CLASP1: variants seen among roughly 807,000 people sequenced by gnomAD.
CLASP1 encodes cytoplasmic linker associated protein 1, also known as CLIP-associating protein 1.
Under a neutral mutation model 192.3 loss-of-function variants are expected in CLASP1, and 38 were observed. That is an observed-to-expected ratio of 0.20 (90% CI 0.15 to 0.26). CLASP1 has a LOEUF of 0.26. Ranked by LOEUF, CLASP1 falls within the 10% of genes least tolerant of loss-of-function variation. The probability of loss-of-function intolerance (pLI) is 1.00; values close to 1 mark genes in which losing one functional copy is unlikely to be tolerated. For synonymous variants in CLASP1, 691 were observed against 712.8 expected (o/e 0.97, Z 0.49); for missense variants, 1,433 against 1,932.5 (o/e 0.74, Z 4.85).
chr2:121,447,399 G>A, exon 19 of CLASP1: 2 of 1,579,428 alleles, frequency 1.3e-6, no homozygotes, highest in Non-Finnish European at 1.7e-6. Context: ...CGTGCCCGAA[G>A]ATGAGGAGAC....
intron 2 of CLASP1, among the ~76,000 whole-genome samples, chr2:121,572,477 A>C (rs2060069833): frequency 6.6e-6 from 1 of 152,156 alleles, no homozygotes; most frequent in African/African-American, 2.4e-5. Context: ...CCATTTTCAA[A>C]TAGGCACACA....
rs192244294 is a variant in CLASP1 at position 121,445,633 on chromosome 2, G to A, written c.1912+1704C>T. ...CAATTTTTTGGTGTTTTTGTTTGGG[G>A]ACAAAATAAGGGAAGTTGAGGTAGA... On this transcript the variant is annotated intron_variant, in intron 19 of 39. Coordinates refer to ENST00000263710, the Ensembl canonical transcript of CLASP1. 2.4e-3 allele frequency: 951 copies of A among 402,482 alleles called. 2 individuals carry two copies. Among genetic ancestry groups the A allele is most frequent in the Non-Finnish European group, 3.6e-3 (760 of 211,856 alleles). 24.9% of individuals were successfully genotyped at this position (402,482 alleles called of 1,614,324 possible).
At chr2:121,530,906 A>C (rs915710819) in intron 2 of CLASP1, 8 of 697,520 alleles carry the variant, frequency 1.1e-5, no homozygotes, top group East Asian at 1.1e-4. Flanking sequence ...GGGTTGCGCT[A>C]CTGTCCAATG....
At chr2:121,632,813 T>C (rs2069969536) in intron 1 of CLASP1, among the ~76,000 whole-genome samples, 2 of 151,756 alleles carry the variant, frequency 1.3e-5, no homozygotes, top group South Asian at 2.1e-4. Context: ...GGAGAATCAC[T>C]TGAACCTGGG....
At chr2:121,593,792 C>A (rs1309744612) in intron 2 of CLASP1, among the ~76,000 whole-genome samples, 1 of 151,220 alleles carries the variant, frequency 6.6e-6, no homozygotes, top group African/African-American at 2.4e-5. Flanking sequence ...GGGTGGATCA[C>A]CTGAGGTTGG....
chr2:121,482,240 G>A (rs1273458803), intron 8 of CLASP1, among the ~76,000 whole-genome samples: 1 of 152,122 alleles, frequency 6.6e-6, no homozygotes, highest in Non-Finnish European at 1.5e-5. Flanking sequence ...AGGGGATAAT[G>A]AACAAACTAG....
intron 4 of CLASP1, 25 bp from the exon 5 acceptor site, chr2:121,527,915 G>T: frequency 1.3e-6 from 2 of 1,587,358 alleles, no homozygotes; most frequent in Non-Finnish European, 1.7e-6. Flanking sequence ...GAACAGGTGA[G>T]GAAAGGAGAA....
intron 1 of CLASP1, among the ~76,000 whole-genome samples, chr2:121,614,043 T>C (rs1484736406): frequency 6.6e-6 from 1 of 152,156 alleles, no homozygotes; most frequent in Admixed American, 6.5e-5. Context: ...CTCTAACCAT[T>C]CAGTGGCATA....
intron 1 of CLASP1, among the ~76,000 whole-genome samples, chr2:121,631,223 A>C (rs1341503507): frequency 6.7e-6 from 1 of 150,290 alleles, no homozygotes; most frequent in Admixed American, 6.6e-5. Context: ...TTGATCACTG[A>C]ACTATAGTCA....
At chr2:121,502,428 T>C (rs894881821) in intron 8 of CLASP1, among the ~76,000 whole-genome samples, 1 of 152,096 alleles carries the variant, frequency 6.6e-6, no homozygotes, top group African/African-American at 2.4e-5. Context: ...GCCTCAGTAA[T>C]GCAGTGATAC....
intron 14 of CLASP1, among the ~76,000 whole-genome samples, chr2:121,454,355 G>A (rs1277060847): frequency 6.6e-6 from 1 of 152,066 alleles, no homozygotes; most frequent in African/African-American, 2.4e-5. Context: ...TCCCATGTGA[G>A]GACACAGGAA....
intron 2 of CLASP1, among the ~76,000 whole-genome samples, chr2:121,602,048 G>A (rs1236046151): frequency 6.6e-6 from 1 of 151,810 alleles, no homozygotes; most frequent in African/African-American, 2.4e-5. Flanking sequence ...GGTGGTGCAC[G>A]CCTGCAGTAC....
intron 2 of CLASP1, among the ~76,000 whole-genome samples, chr2:121,575,644 A>G (rs763570965): frequency 2.8e-4 from 42 of 152,208 alleles, no homozygotes; most frequent in Admixed American, 5.9e-4. Context: ...AGTGACGTAA[A>G]GTGGTCTGCC....
At chr2:121,490,062 C>T (rs756166544) in intron 8 of CLASP1, among the ~76,000 whole-genome samples, 3 of 152,220 alleles carry the variant, frequency 2.0e-5, no homozygotes, top group Non-Finnish European at 2.9e-5. Flanking sequence ...CCTACTTCCT[C>T]TCTCCTAGTC....
intron 8 of CLASP1, among the ~76,000 whole-genome samples, chr2:121,490,940 A>T (rs1186685858): frequency 6.6e-6 from 1 of 152,240 alleles, no homozygotes; most frequent in Non-Finnish European, 1.5e-5. Flanking sequence ...CTTTTAAAGG[A>T]TAAGCATGGA....
At chr2:121,530,853 G>C (rs1273521187) in intron 2 of CLASP1, 3 of 668,866 alleles carry the variant, frequency 4.5e-6, no homozygotes, top group East Asian at 2.7e-5. Context: ...GGCGCTTCCT[G>C]CTTGCAGCCC....
At chr2:121,480,782 A>G (rs940652099) in intron 8 of CLASP1, among the ~76,000 whole-genome samples, 1 of 152,190 alleles carries the variant, frequency 6.6e-6, no homozygotes, top group Non-Finnish European at 1.5e-5. Flanking sequence ...ACCTGGCCAC[A>G]GCATCAGGGC....
intron 19 of CLASP1, among the ~76,000 whole-genome samples, chr2:121,437,676 T>C (rs2082539075): frequency 6.6e-6 from 1 of 152,234 alleles, no homozygotes; most frequent in Non-Finnish European, 1.5e-5. Context: ...CAAATTTCTC[T>C]GTTCTTTTCA....
intron 1 of CLASP1, among the ~76,000 whole-genome samples, chr2:121,640,590 A>C (rs1291446221): frequency 6.6e-6 from 1 of 152,084 alleles, no homozygotes; most frequent in African/African-American, 2.4e-5. Flanking sequence ...CCTCCTGACT[A>C]GTGAGTGGTT....
Sources: allele counts gnomAD v4.1 joint callset (sites outside exome capture counted in the v4.1 genomes callset), GRCh38; gene constraint gnomAD v4.1.1; transcripts MANE v1.5; gene names NCBI Gene and HGNC (gene_info 2026-07-23, HGNC 2026-07-21).